The following FBLN1 variants were observed in gnomAD, a reference collection of about 807,000 sequenced individuals.
FBLN1 encodes fibulin 1, also known as fibulin-1.
In FBLN1, 34 loss-of-function variants were observed where a neutral mutation model predicts 89.7. The observed-to-expected ratio is 0.38, with a 90% CI of 0.29 to 0.50. The LOEUF (loss-of-function observed/expected upper bound fraction) is 0.50, where lower values mean the gene tolerates loss of function less well. Ranked by LOEUF, FBLN1 falls within the 20% of genes least tolerant of loss-of-function variation. FBLN1 has a pLI of 0.92. For synonymous variants in FBLN1, 393 were observed against 391.3 expected (o/e 1.00, Z -0.05); for missense variants, 777 against 988.1 (o/e 0.79, Z 2.86).
At position 45,588,267 on chromosome 22, in the gene FBLN1, T is replaced by C. The variant is rs143841281; in HGVS notation, c.1972+11159T>C. 6.6e-5 allele frequency among the ~76,000 whole-genome samples: 10 copies of C among 152,216 alleles called. No individual in the cohort carries two copies. Among genetic ancestry groups the C allele is most frequent in the African/African-American group, 2.4e-4 (10 of 41,524 alleles). Reference sequence around the variant, plus strand: ...GGAAGAGGGCTCCAGGCAGAGGGAATGGCAGAGTGCTGGAGTGGCCATGCC... The same window carrying C: ...GGAAGAGGGCTCCAGGCAGAGGGAACGGCAGAGTGCTGGAGTGGCCATGCC... On this transcript the variant is annotated intron_variant, in intron 16 of 16. Coordinates refer to ENST00000327858, the MANE Select transcript of FBLN1 (RefSeq NM_006486.3). The surrounding 1 kb of genome is among the most constrained non-coding windows in gnomAD (Gnocchi z 5.1).
chr22:45,533,558 G>T (rs1330024177), intron 6 of FBLN1, among the ~76,000 whole-genome samples: 2 of 152,200 alleles, frequency 1.3e-5, no homozygotes, highest in East Asian at 3.9e-4. Flanking sequence ...AAAAGCAGTA[G>T]ATATGAACGT....
intron 1 of FBLN1, among the ~76,000 whole-genome samples, chr22:45,511,468 A>G (rs1163529792): frequency 2.3e-5 from 2 of 88,364 alleles, no homozygotes; most frequent in Non-Finnish European, 4.4e-5. Context: ...TTTTTTTTTT[A>G]GACAGTCTCA....
chr22:45,520,707 C>T (rs569490236), intron 2 of FBLN1, among the ~76,000 whole-genome samples: 38 of 152,264 alleles, frequency 2.5e-4, no homozygotes, highest in African/African-American at 8.9e-4. Context: ...GAACTGAGGC[C>T]GCAGATTCAG....
intron 6 of FBLN1, 86 bp from the exon 7 acceptor site, chr22:45,533,675 C>T (rs2088440625): frequency 6.6e-7 from 1 of 1,524,284 alleles, no homozygotes; most frequent in African/African-American, 1.4e-5. Context: ...AGCACTTCCA[C>T]CGTGGCTTTG....
intron 1 of FBLN1, among the ~76,000 whole-genome samples, chr22:45,505,569 G>A (rs1026724527): frequency 6.6e-6 from 1 of 152,174 alleles, no homozygotes; most frequent in African/African-American, 2.4e-5. Context: ...AGGGGCACGC[G>A]GCTGACTCAT....
chr22:45,577,752 G>T lies in FBLN1; in HGVS notation c.1972+644G>T, dbSNP rs2089010198. Among the ~76,000 whole-genome samples the T allele has an allele frequency of 6.6e-6, 1 of 152,220 alleles. No homozygotes were observed. The highest frequency in any genetic ancestry group is 2.4e-5 in the African/African-American group (1 of 41,454). On this transcript the variant is annotated intron_variant, in intron 16 of 16. Transcript: ENST00000327858. This position sits in a 1 kb window ranked among gnomAD's most constrained non-coding sequence, Gnocchi z 6.6. The stretch of plus-strand genomic sequence containing the variant: ...AGGGAGGCTGGGGCATGAGGGGACT[G>T]TGGAAGTCCTGTTGGTGGGTGCAGG...
intron 8 of FBLN1, among the ~76,000 whole-genome samples, chr22:45,538,540 T>G (rs470067): frequency 0.36 from 54,639 of 152,080 alleles, 10,498 homozygotes; most frequent in Middle Eastern, 0.52. Flanking sequence ...TCATTTCATG[T>G]CAGCACCTTT....
intron 16 of FBLN1, among the ~76,000 whole-genome samples, chr22:45,594,362 G>A (rs1391204635): frequency 1.3e-5 from 2 of 152,186 alleles, no homozygotes; most frequent in Admixed American, 6.5e-5. Flanking sequence ...GATGAGGCAC[G>A]TGGCTCAGCC....
rs199694232 is a variant in FBLN1, at chr22:45,542,309, G to A, written c.1195+26G>A. On this transcript the variant is annotated intron_variant, in intron 10 of 16. Transcript: ENST00000327858. The stretch of plus-strand genomic sequence containing the variant: ...GTGCGTGGGGGGCCCCGCAGGCCTC[G>A]GGGGAACCCAGCCACGTGGCACCAG... 7.5e-4 allele frequency: 1,209 copies of A among 1,613,052 alleles called. 18 individuals carry two copies. In the South Asian group the frequency reaches 0.013, roughly 17 times the overall value.
At chr22:45,509,924 C>T (rs917334800) in intron 1 of FBLN1, among the ~76,000 whole-genome samples, 7 of 151,948 alleles carry the variant, frequency 4.6e-5, no homozygotes, top group South Asian at 2.1e-4. Flanking sequence ...GTGGTGAGTC[C>T]GGGAGGCACA....
chr22:45,518,013 T>G (rs1426847232), intron 1 of FBLN1, among the ~76,000 whole-genome samples: 1 of 150,460 alleles, frequency 6.6e-6, no homozygotes, highest in Non-Finnish European at 1.5e-5. Context: ...GCACCTGTAA[T>G]CCCAGCTACT....
At position 45,542,175 on chromosome 22, in the gene FBLN1, C is replaced by G. The variant is rs750285045; in HGVS notation, c.1087C>G (p.Pro363Ala). The G allele has an allele frequency of 6.2e-7, 1 of 1,614,204 alleles. No individual in the cohort carries two copies. The highest frequency in any genetic ancestry group is 1.1e-5 in the South Asian group (1 of 91,082). Residue 363 changes from proline to alanine, a missense_variant, in exon 10 of 17, where the codon CCT becomes GCT. Pro to Ala is a conservative substitution (Grantham distance 27). Coordinates refer to ENST00000327858, the MANE Select transcript of FBLN1 (RefSeq NM_006486.3). ...RCVDVDECAP[P>A]AEPCGKGHRC... ...GCAAGATGTGGACGAGTGCGCGCCA[C>G]CTGCTGAGCCCTGTGGGAAGGGACA...
At chr22:45,591,784 T>C (rs1346829361) in intron 16 of FBLN1, among the ~76,000 whole-genome samples, 1 of 93,646 alleles carries the variant, frequency 1.1e-5, no homozygotes, top group African/African-American at 9.4e-5. Context: ...GGAAGTGTCC[T>C]GCGCGCCATT....
chr22:45,578,342 A>G lies in FBLN1; in HGVS notation c.1972+1234A>G, dbSNP rs1271644306. The G allele has an allele frequency of 6.6e-6, 1 of 152,256 alleles. No homozygotes were observed. The highest frequency in any genetic ancestry group is 1.5e-5 in the Non-Finnish European group (1 of 68,040). 9.4% of individuals were successfully genotyped at this position (152,256 alleles called of 1,614,324 possible). ...TTAAATGGGTTTGCATGTTGTAAAC[A>G]TGACTGAGTCACTGGGGGGCTCCCC... On this transcript the variant is annotated intron_variant, in intron 16 of 16. Coordinates refer to ENST00000327858, the MANE Select transcript of FBLN1 (RefSeq NM_006486.3). This position sits in a 1 kb window ranked among gnomAD's most constrained non-coding sequence, Gnocchi z 4.6.
chr22:45,551,028 A>G, intron 14 of FBLN1: 1 of 308,070 alleles, frequency 3.2e-6, no homozygotes, highest in Non-Finnish European at 6.3e-6. Context: ...CAGGGAGCCG[A>G]TGTGACCTGT....
rs1374961540 is a variant in FBLN1, at chr22:45,562,773, C to G, written c.1698-11738C>G. 2.4e-6 allele frequency: 2 copies of G among 833,698 alleles called. No homozygotes were observed. Among genetic ancestry groups the G allele is most frequent in the Admixed American group, 1.7e-5 (1 of 58,174 alleles). The allele number at this position is 833,698 out of a possible 1,614,324, so 51.6% of individuals were successfully genotyped here. A position where few individuals can be genotyped will look rare whatever the true frequency, so the allele number is the denominator to read the frequency against. ...GCCTCCCGCAGGTGAGTGAGGTGTG[C>G]CCTTCGTGTTGGCTGAATCGGCCAG... On this transcript the variant is annotated intron_variant, in intron 14 of 16. Transcript: ENST00000327858. The surrounding 1 kb of genome is among the most constrained non-coding windows in gnomAD (Gnocchi z 7.8).
chr22:45,504,918 T>A (rs2087998122), intron 1 of FBLN1, among the ~76,000 whole-genome samples: 1 of 152,122 alleles, frequency 6.6e-6, no homozygotes, highest in Non-Finnish European at 1.5e-5. Flanking sequence ...TTTGGTACAG[T>A]TTGGGAAGGG....
At chr22:45,533,519 C>CTT (rs2088438402) in intron 6 of FBLN1, among the ~76,000 whole-genome samples, 1 of 152,152 alleles carries the variant, frequency 6.6e-6, no homozygotes, top group South Asian at 2.1e-4. Flanking sequence ...CCGTGGGGTT[C>CTT]TTGAGGACCA....
At chr22:45,544,940 A>G (rs2088607463) in intron 11 of FBLN1, among the ~76,000 whole-genome samples, 1 of 152,162 alleles carries the variant, frequency 6.6e-6, no homozygotes, top group Non-Finnish European at 1.5e-5. Context: ...AGAGCTTTGG[A>G]TGGCCCTCCA....
Sources: gnomAD v4.1 joint callset for allele counts (sites outside exome capture counted in the v4.1 genomes callset) on GRCh38, gnomAD v4.1.1 for gene constraint, Gnocchi (gnomAD v3.1) non-coding constraint, MANE v1.5 for transcripts, NCBI Gene and HGNC (gene_info 2026-07-23, HGNC 2026-07-21) for gene names.